PDK1: variants seen among roughly 807,000 people sequenced by gnomAD.
PDK1 encodes the protein pyruvate dehydrogenase kinase 1.
In PDK1, 39 loss-of-function variants were observed where a neutral mutation model predicts 54.2. The observed-to-expected ratio is 0.72, with a 90% CI of 0.56 to 0.94. The LOEUF (loss-of-function observed/expected upper bound fraction) is 0.94, where lower values mean the gene tolerates loss of function less well. PDK1 is among the 40% of genes least tolerant of loss of function. PDK1 has a pLI of 0.00. For synonymous variants in PDK1, 221 were observed against 207.1 expected, an observed-to-expected ratio of 1.07 and a Z score of -0.58; for missense variants, 552 against 566.0, an observed-to-expected ratio of 0.98 and a Z score of 0.25.
the PDK1 span, among the ~76,000 whole-genome samples, chr2:172,687,465 T>C: frequency 6.6e-6 from 1 of 152,162 alleles, no homozygotes; most frequent in African/African-American, 2.4e-5. Flanking sequence ...CTGGGAATAT[T>C]AGAAGAGGGA....
intron 5 of PDK1, 122 bp from the exon 6 acceptor site, chr2:172,566,734 A>G: frequency 1.9e-6 from 1 of 527,990 alleles, no homozygotes; most frequent in Non-Finnish European, 3.2e-6. Flanking sequence ...CCAAACTATC[A>G]AAGTATATTT....
rs1187013639 is a variant in PDK1 at position 172,607,685 on chromosome 2, C to T, written c.*11716C>T. The stretch of plus-strand genomic sequence containing the variant: ...GGCCAAACTCAGAGTGGAGGCTGAC[C>T]CTGTATCTGGTTGTAGCAGAGTCGG... On this transcript the variant is annotated 3_prime_UTR_variant, in exon 11 of 11. Coordinates refer to ENST00000282077, the MANE Select transcript of PDK1 (RefSeq NM_002610.5). The T allele has an allele frequency of 6.6e-6, 1 of 152,234 alleles. No homozygotes were observed. The highest frequency in any genetic ancestry group is 1.5e-5 in the Non-Finnish European group (1 of 68,100). 9.4% of individuals were successfully genotyped at this position (152,234 alleles called of 1,614,324 possible).
the PDK1 span, among the ~76,000 whole-genome samples, chr2:172,654,307 G>C: frequency 3.3e-5 from 5 of 152,294 alleles, no homozygotes; most frequent in South Asian, 6.2e-4. Flanking sequence ...CTGCTATAAA[G>C]ACACATGCAC....
chr2:172,625,652 T>C, the PDK1 span, among the ~76,000 whole-genome samples: 3 of 152,144 alleles, frequency 2.0e-5, no homozygotes, highest in Non-Finnish European at 4.4e-5. Flanking sequence ...CTAATCCTAA[T>C]CTGGCGCCTC....
chr2:172,664,162 T>G, the PDK1 span, among the ~76,000 whole-genome samples: 1 of 151,338 alleles, frequency 6.6e-6, no homozygotes, highest in African/African-American at 2.4e-5. Context: ...AAACACAAAA[T>G]TAGCCGGGCA....
Position 172,603,508 on chromosome 2 carries a change from G to C in PDK1, c.*7539G>C, listed in dbSNP as rs188742410. The C allele has an allele frequency of 6.6e-6, 1 of 152,192 alleles. No homozygotes were observed. The highest frequency in any genetic ancestry group is 1.5e-5 in the Non-Finnish European group (1 of 68,038). 9.4% of individuals were successfully genotyped at this position (152,192 alleles called of 1,614,324 possible). A position where few individuals can be genotyped will look rare whatever the true frequency, so the allele number is the denominator to read the frequency against. On this transcript the variant is annotated 3_prime_UTR_variant, in exon 11 of 11. Coordinates refer to ENST00000282077, the MANE Select transcript of PDK1 (RefSeq NM_002610.5). Reference sequence around the variant, plus strand: ...TTTCATGGGGAAGGTCATGGAAGACGACAGCAAACTTGAGTGGTTAATGAG... The same window carrying C: ...TTTCATGGGGAAGGTCATGGAAGACCACAGCAAACTTGAGTGGTTAATGAG...
At chr2:172,633,219 AT>A in the PDK1 span, among the ~76,000 whole-genome samples, 16,517 of 91,054 alleles carry the variant, frequency 0.18, 998 homozygotes, top group Non-Finnish European at 0.22. Context: ...ATTAAAAAAA[AT>A]TTTTTTTTTT....
chr2:172,573,583 GTATA>G (rs898100877), intron 8 of PDK1, among the ~76,000 whole-genome samples: 3 of 150,250 alleles, frequency 2.0e-5, no homozygotes, highest in African/African-American at 7.4e-5. Flanking sequence ...ATATGTGTGT[GTATA>G]TATATACACC....
rs2149208807 is a variant in PDK1, at chr2:172,564,535, G to C, written c.443G>C (p.Arg148Pro). 2 of 1,614,020 alleles carry C rather than the reference G, an allele frequency of 1.2e-6. No homozygotes were observed. Among genetic ancestry groups the C allele is most frequent in the Non-Finnish European group, 1.7e-6 (2 of 1,179,946 alleles). The change falls in exon 4 of 11, where the codon CGA (arginine) becomes CCA (proline). Residue 148 changes from arginine (R) to proline (P), a missense_variant. Transcript: ENST00000282077. ...FTDTVIRIRN[R>P]HNDVIPTMAQ... ...GATACTGTGATACGGATCAGAAACC[G>C]ACACAATGATGTCATTCCCACAATG...
chr2:172,671,858 A>G, the PDK1 span, among the ~76,000 whole-genome samples: 1 of 152,214 alleles, frequency 6.6e-6, no homozygotes, highest in Admixed American at 6.5e-5. Context: ...CAGGTAACAC[A>G]GTAAAAAGTG....
At position 172,608,434 on chromosome 2, in the gene PDK1, A is replaced by T. The variant is rs1691364144; in HGVS notation, c.*12465A>T. The T allele has an allele frequency of 6.8e-6, 1 of 146,380 alleles. No individual in the cohort carries two copies. Among genetic ancestry groups the T allele is most frequent in the Admixed American group, 6.7e-5 (1 of 14,926 alleles). The allele number at this position is 146,380 out of a possible 1,614,324, so 9.1% of individuals were successfully genotyped here. On this transcript the variant is annotated 3_prime_UTR_variant, in exon 11 of 11. Transcript: ENST00000282077. ...GTCCATAAACTCAGAAGAAGTTAGT[A>T]TTAACGGGGATATGAAAGAACCTCC... is the stretch of plus-strand genomic sequence containing the variant.
intron 9 of PDK1, among the ~76,000 whole-genome samples, chr2:172,590,134 A>G (rs1467021777): frequency 6.6e-6 from 1 of 152,206 alleles, no homozygotes; most frequent in Non-Finnish European, 1.5e-5. Flanking sequence ...TATATTAGAG[A>G]TATCTCCAGG....
In PDK1 at chr2:172,604,839, G is replaced by A. The variant is rs188718812; in HGVS notation, c.*8870G>A. 2.6e-5 allele frequency: 4 copies of A among 152,260 alleles called. No individual in the cohort carries two copies. In the East Asian group the frequency reaches 7.7e-4, roughly 29 times the overall value. The allele number at this position is 152,260 out of a possible 1,614,324, so 9.4% of individuals were successfully genotyped here. A position where few individuals can be genotyped will look rare whatever the true frequency, so the allele number is the denominator to read the frequency against. On this transcript the variant is annotated 3_prime_UTR_variant, in exon 11 of 11. Coordinates refer to ENST00000282077, the MANE Select transcript of PDK1 (RefSeq NM_002610.5). ...GTGGCCAGACTACTTTTCTAGTTTC[G>A]AGATTATTTTGGAGCTTTATATTGG...
At chr2:172,614,103 C>T in the PDK1 span, among the ~76,000 whole-genome samples, 1 of 151,990 alleles carries the variant, frequency 6.6e-6, no homozygotes. Context: ...CGGGTGCAGC[C>T]GTGACCGCCC....
rs557000483 is a variant in PDK1, at chr2:172,605,801, T to A, written c.*9832T>A. On this transcript the variant is annotated 3_prime_UTR_variant, in exon 11 of 11. Coordinates refer to ENST00000282077, the MANE Select transcript of PDK1 (RefSeq NM_002610.5). The stretch of plus-strand genomic sequence containing the variant: ...TTATTGGAAAATAATTCACCTACTT[T>A]GCTTCTCTCTGACCAACATAGGGGC... 1 of 152,310 alleles carries A rather than the reference T, an allele frequency of 6.6e-6. No homozygotes were observed. Among genetic ancestry groups the A allele is most frequent in the South Asian group, 2.1e-4 (1 of 4,820 alleles). 9.4% of individuals were successfully genotyped at this position (152,310 alleles called of 1,614,324 possible).
At chr2:172,683,301 C>A in the PDK1 span, among the ~76,000 whole-genome samples, 1 of 149,692 alleles carries the variant, frequency 6.7e-6, no homozygotes, top group East Asian at 2.0e-4. Context: ...GAGCTGAGAT[C>A]GCACCACTGC....
the PDK1 span, among the ~76,000 whole-genome samples, chr2:172,699,887 A>G: frequency 1.1e-4 from 16 of 152,070 alleles, no homozygotes; most frequent in African/African-American, 2.9e-4. Flanking sequence ...TGGTTTTCCT[A>G]GGCAGAGGGC....
chr2:172,686,481 A>C, the PDK1 span, among the ~76,000 whole-genome samples: 2 of 152,150 alleles, frequency 1.3e-5, no homozygotes, highest in Admixed American at 1.3e-4. Flanking sequence ...ACACTGTAAA[A>C]TGGACCAATC....
At chr2:172,592,538 G>A (rs1690657540) in intron 9 of PDK1, among the ~76,000 whole-genome samples, 1 of 151,442 alleles carries the variant, frequency 6.6e-6, no homozygotes, top group South Asian at 2.1e-4. Context: ...CTTTCTGCTG[G>A]TCTTTCCCTG....
Sources: gnomAD v4.1 joint callset for allele counts (sites outside exome capture counted in the v4.1 genomes callset) on GRCh38, gnomAD v4.1.1 for gene constraint, MANE v1.5 for transcripts, NCBI Gene and HGNC (gene_info 2026-07-23, HGNC 2026-07-21) for gene names.